MTMR12: variants seen among roughly 807,000 people sequenced by gnomAD.
MTMR12 encodes the protein myotubularin-related protein 12.
Under a neutral mutation model 96.7 loss-of-function variants are expected in MTMR12, and 33 were observed. The ratio of observed to expected loss-of-function variants is 0.34; its 90% CI spans 0.26 to 0.46. The LOEUF is 0.46. Ranked by LOEUF, MTMR12 falls within the 20% of genes least tolerant of loss-of-function variation. MTMR12 has a pLI of 1.00. For missense variants in MTMR12, 721 were observed against 896.1 expected (o/e 0.80, Z 2.49); for synonymous variants, 298 against 327.2 (o/e 0.91, Z 0.96).
chr5:32,266,304 A>G (rs1749590920), intron 6 of MTMR12, among the ~76,000 whole-genome samples: 1 of 152,238 alleles, frequency 6.6e-6, no homozygotes, highest in Non-Finnish European at 1.5e-5. Context: ...TACAGCAAGC[A>G]GTCAATACAT....
chr5:32,255,776 A>G lies in MTMR12; in HGVS notation c.714-8T>C. ...ACAAAGTATGCTGGCAATCTAGAAGAAAGAAATGTCATCAAGTTTTAGTAC... is the reference window on the plus strand; with the variant it reads ...ACAAAGTATGCTGGCAATCTAGAAGGAAGAAATGTCATCAAGTTTTAGTAC... On this transcript the variant is annotated splice_polypyrimidine_tract_variant and splice_region_variant and intron_variant, in intron 7 of 15. Coordinates refer to ENST00000382142, the MANE Select transcript of MTMR12 (RefSeq NM_001040446.3). The G allele has an allele frequency of 6.2e-7, 1 of 1,605,298 alleles. No homozygotes were observed. The highest frequency in any genetic ancestry group is 8.5e-7 in the Non-Finnish European group (1 of 1,175,362).
intron 7 of MTMR12, among the ~76,000 whole-genome samples, chr5:32,256,846 G>A (rs1749158778): frequency 6.6e-6 from 1 of 152,180 alleles, no homozygotes; most frequent in African/African-American, 2.4e-5. Flanking sequence ...AAAACTGTCA[G>A]TCAAGTTTCT....
At chr5:32,264,875 G>A (rs530840937) in intron 6 of MTMR12, among the ~76,000 whole-genome samples, 19 of 151,924 alleles carry the variant, frequency 1.3e-4, no homozygotes, top group African/African-American at 3.4e-4. Flanking sequence ...ACTTGCCTAC[G>A]TCACAAAGCT....
chr5:32,284,275 A>C (rs2112114670), intron 1 of MTMR12, among the ~76,000 whole-genome samples: 1 of 146,116 alleles, frequency 6.8e-6, no homozygotes, highest in East Asian at 2.0e-4. Flanking sequence ...CTATGATTGC[A>C]CCACTGTACT....
At chr5:32,273,745 G>C (rs1191826955) in intron 3 of MTMR12, among the ~76,000 whole-genome samples, 1 of 152,126 alleles carries the variant, frequency 6.6e-6, no homozygotes, top group East Asian at 1.9e-4. Context: ...GGGGAGGGTG[G>C]GGATGATGGG....
intron 15 of MTMR12, among the ~76,000 whole-genome samples, chr5:32,230,720 G>A (rs569380095): frequency 7.1e-4 from 108 of 152,342 alleles, no homozygotes; most frequent in Middle Eastern, 3.4e-3. Flanking sequence ...AGGGGAACTT[G>A]TGGGTCAGGC....
rs1233349386 is a variant in MTMR12, at chr5:32,229,786, C to G, written c.2236G>C (p.Asp746His). The change falls in exon 16 of 16, where the codon GAT becomes CAT. Residue 746 changes from aspartate to histidine, a missense_variant. Asp to His is a moderately conservative substitution (Grantham distance 81, BLOSUM62 -1). Coordinates refer to ENST00000382142, the MANE Select transcript of MTMR12 (RefSeq NM_001040446.3). The part of the protein sequence containing the change: ...KREDEFVDLG[D>H]V ...ATCACTCAACAAACAGGTCACACATCCCCTAGGTCCACGAACTCATCTTCT... is the reference window on the plus strand; with the variant it reads ...ATCACTCAACAAACAGGTCACACATGCCCTAGGTCCACGAACTCATCTTCT... 6.5e-7 allele frequency: 1 copy of G among 1,529,986 alleles called. No individual in the cohort carries two copies. The highest frequency in any genetic ancestry group is 8.8e-7 in the Non-Finnish European group (1 of 1,138,756). 94.8% of individuals were successfully genotyped at this position (1,529,986 alleles called of 1,614,324 possible). A position where few individuals can be genotyped will look rare whatever the true frequency, so the allele number is the denominator to read the frequency against.
chr5:32,310,765 A>G (rs1046877745), intron 1 of MTMR12, among the ~76,000 whole-genome samples: 29 of 152,184 alleles, frequency 1.9e-4, no homozygotes, highest in Non-Finnish European at 3.5e-4. Flanking sequence ...TGTATATTTT[A>G]TAATAACTTA....
intron 1 of MTMR12, among the ~76,000 whole-genome samples, chr5:32,292,083 A>G (rs936685600): frequency 7.4e-4 from 112 of 152,168 alleles, no homozygotes; most frequent in African/African-American, 2.6e-3. Context: ...TACTCATGGA[A>G]TTCACTGGTC....
chr5:32,266,964 C>A (rs529225613), intron 6 of MTMR12, among the ~76,000 whole-genome samples: 22 of 148,820 alleles, frequency 1.5e-4, no homozygotes, highest in Non-Finnish European at 2.8e-4. Context: ...CCTGTAATCC[C>A]AGCTACTCAG....
chr5:32,266,380 T>C (rs1410226731), intron 6 of MTMR12, among the ~76,000 whole-genome samples: 1 of 152,098 alleles, frequency 6.6e-6, no homozygotes, highest in Admixed American at 6.6e-5. Flanking sequence ...GACAAAGCCT[T>C]GTGTGCTTTT....
At chr5:32,257,895 C>T (rs1305331502) in intron 7 of MTMR12, among the ~76,000 whole-genome samples, 1 of 151,980 alleles carries the variant, frequency 6.6e-6, no homozygotes, top group African/African-American at 2.4e-5. Context: ...GGCAAAATCC[C>T]CCTCGCTACT....
At chr5:32,235,197 C>G in intron 13 of MTMR12, 68 bp from the exon 14 acceptor site, 3 of 1,457,806 alleles carry the variant, frequency 2.1e-6, no homozygotes, top group Non-Finnish European at 2.8e-6. Flanking sequence ...GTTCAGGGGG[C>G]AGCCACCTCA....
intron 6 of MTMR12, among the ~76,000 whole-genome samples, chr5:32,266,695 AAAAC>A (rs1244040174): frequency 1.3e-5 from 2 of 151,036 alleles, no homozygotes; most frequent in African/African-American, 4.9e-5. Flanking sequence ...TCAAAAAAAA[AAAAC>A]AACCAACAAC....
Position 32,228,581 on chromosome 5 carries a change from A to ATATATATATCC in MTMR12, c.*1196_*1197insGGATATATATA, listed in dbSNP as rs1747846236. ...GATATATATATATCATATATATATCATATATATGTGATATATATATATATA... is the reference window on the plus strand; with the variant it reads ...GATATATATATATCATATATATATCATATATATATCCTATATATGTGATATATATATATATA... On this transcript the variant is annotated 3_prime_UTR_variant, in exon 16 of 16. Transcript: ENST00000382142. The ATATATATATCC allele has an allele frequency of 8.2e-6, 1 of 121,892 alleles. No individual in the cohort carries two copies. Among genetic ancestry groups the ATATATATATCC allele is most frequent in the Non-Finnish European group, 1.7e-5 (1 of 60,510 alleles). 7.6% of individuals were successfully genotyped at this position (121,892 alleles called of 1,614,324 possible).
chr5:32,245,285 C>G (rs796527567), intron 10 of MTMR12, among the ~76,000 whole-genome samples: 9 of 152,334 alleles, frequency 5.9e-5, no homozygotes, highest in African/African-American at 2.2e-4. Context: ...ATCCGCCCAC[C>G]TCGGCCTCCC....
At chr5:32,287,136 T>C (rs929990745) in intron 1 of MTMR12, among the ~76,000 whole-genome samples, 6 of 152,172 alleles carry the variant, frequency 3.9e-5, no homozygotes, top group Admixed American at 2.6e-4. Context: ...TGAGCAGAAA[T>C]TAGTTCCAGG....
At chr5:32,272,135 C>CA (rs1233988395) in intron 3 of MTMR12, among the ~76,000 whole-genome samples, 1 of 151,724 alleles carries the variant, frequency 6.6e-6, no homozygotes, top group Non-Finnish European at 1.5e-5. Flanking sequence ...ACTAAAAATA[C>CA]AAAAAATTAG....
intron 1 of MTMR12, among the ~76,000 whole-genome samples, chr5:32,279,851 A>G (rs566584677): frequency 9.3e-4 from 142 of 152,344 alleles, no homozygotes; most frequent in African/African-American, 3.3e-3. Context: ...TCATGCTCCT[A>G]TAAGAATCTA....
Sources: gnomAD v4.1 joint callset for allele counts (sites outside exome capture counted in the v4.1 genomes callset) on GRCh38, gnomAD v4.1.1 for gene constraint, MANE v1.5 for transcripts, NCBI Gene and HGNC (gene_info 2026-07-23, HGNC 2026-07-21) for gene names.